Variants in KCNIP4 observed in about 807,000 individuals in gnomAD.
KCNIP4 encodes potassium voltage-gated channel interacting protein 4.
A neutral mutation model predicts 34.0 loss-of-function variants in KCNIP4; 12 were observed. The observed-to-expected ratio is 0.35, with a 90% CI of 0.23 to 0.57. KCNIP4 has a LOEUF of 0.57. KCNIP4 is among the 20% of genes least tolerant of loss of function. The pLI is 0.83. For missense variants in KCNIP4, 238 were observed against 311.7 expected (o/e 0.76, Z 1.78); for synonymous variants, 124 against 102.2 (o/e 1.21, Z -1.29).
intron 3 of KCNIP4, among the ~76,000 whole-genome samples, chr4:20,787,248 T>A (rs1469642989): frequency 6.6e-6 from 1 of 152,190 alleles, no homozygotes; most frequent in Non-Finnish European, 1.5e-5. Context: ...GGCTTTTACA[T>A]CTATAAATTC....
At chr4:21,246,032 AT>A (rs966119803) in intron 1 of KCNIP4, among the ~76,000 whole-genome samples, 7 of 152,096 alleles carry the variant, frequency 4.6e-5, no homozygotes, top group East Asian at 3.9e-4. Context: ...AAAAAGGAGG[AT>A]TTTTTTTAAC....
chr4:21,716,658 T>C (rs929845232), intron 1 of KCNIP4, among the ~76,000 whole-genome samples: 1 of 152,200 alleles, frequency 6.6e-6, no homozygotes, highest in Non-Finnish European at 1.5e-5. Flanking sequence ...TGGACATGTT[T>C]ACCCCCAACG....
At chr4:21,158,293 A>G (rs2109268264) in intron 1 of KCNIP4, among the ~76,000 whole-genome samples, 1 of 152,312 alleles carries the variant, frequency 6.6e-6, no homozygotes, top group East Asian at 1.9e-4. Context: ...AGACTTCCAC[A>G]AATATTCTAT....
intron 1 of KCNIP4, among the ~76,000 whole-genome samples, chr4:21,145,948 T>C (rs1426212651): frequency 6.6e-6 from 1 of 152,376 alleles, no homozygotes; most frequent in African/African-American, 2.4e-5. Flanking sequence ...ATTTCTTCTA[T>C]CTTTGTCCTT....
chr4:21,505,368 C>T (rs2109903597), intron 1 of KCNIP4, among the ~76,000 whole-genome samples: 1 of 152,170 alleles, frequency 6.6e-6, no homozygotes, highest in South Asian at 2.1e-4. Flanking sequence ...TGGCAAATTT[C>T]TATGAAAGAA....
At chr4:21,239,269 A>T (rs1330199539) in intron 1 of KCNIP4, among the ~76,000 whole-genome samples, 1 of 142,632 alleles carries the variant, frequency 7.0e-6, no homozygotes, top group Admixed American at 7.0e-5. Flanking sequence ...AACCATAAAA[A>T]CCCTAGAAGA....
intron 1 of KCNIP4, among the ~76,000 whole-genome samples, chr4:21,410,905 C>A (rs534858667): frequency 6.6e-6 from 1 of 152,104 alleles, no homozygotes; most frequent in Non-Finnish European, 1.5e-5. Context: ...AATGGTCTGG[C>A]AACATTGACA....
chr4:21,099,594 G>A (rs1029110909), intron 1 of KCNIP4, among the ~76,000 whole-genome samples: 5 of 151,976 alleles, frequency 3.3e-5, no homozygotes, highest in African/African-American at 4.8e-5. Flanking sequence ...CACATATCCC[G>A]CACATATACC....
intron 3 of KCNIP4, among the ~76,000 whole-genome samples, chr4:20,826,886 T>C (rs1030110331): frequency 6.6e-6 from 1 of 152,156 alleles, no homozygotes; most frequent in Non-Finnish European, 1.5e-5. Flanking sequence ...GATTATTTAA[T>C]ACAGGGGCTA....
intron 3 of KCNIP4, among the ~76,000 whole-genome samples, chr4:20,806,894 G>C (rs1715167290): frequency 6.6e-6 from 1 of 152,098 alleles, no homozygotes; most frequent in Admixed American, 6.6e-5. Flanking sequence ...AATGAAACTA[G>C]CAAGTTAAAC....
intron 1 of KCNIP4, among the ~76,000 whole-genome samples, chr4:21,395,912 T>C (rs1305345229): frequency 6.6e-6 from 1 of 152,156 alleles, no homozygotes; most frequent in Non-Finnish European, 1.5e-5. Flanking sequence ...GGGTCTCATC[T>C]CATCCAAATT....
chr4:21,855,772 T>A (rs1187820982), intron 1 of KCNIP4: 2 of 152,206 alleles, frequency 1.3e-5, no homozygotes, highest in Non-Finnish European at 2.9e-5. Flanking sequence ...TTATAATCCA[T>A]CTGGACAGTC....
intron 1 of KCNIP4, among the ~76,000 whole-genome samples, chr4:21,443,498 A>G (rs938855595): frequency 6.6e-6 from 1 of 152,212 alleles, no homozygotes; most frequent in Non-Finnish European, 1.5e-5. Flanking sequence ...GTAGACTTTG[A>G]ATAAAGCAGA....
At chr4:20,810,681 G>A (rs1715638906) in intron 3 of KCNIP4, among the ~76,000 whole-genome samples, 1 of 152,166 alleles carries the variant, frequency 6.6e-6, no homozygotes, top group South Asian at 2.1e-4. Flanking sequence ...TGAACAGAAA[G>A]AGTTAGATCT....
At chr4:21,581,045 C>T (rs1741163493) in intron 1 of KCNIP4, among the ~76,000 whole-genome samples, 1 of 152,044 alleles carries the variant, frequency 6.6e-6, no homozygotes, top group Admixed American at 6.6e-5. Flanking sequence ...CTGCATTTCA[C>T]TCTGTCACTC....
intron 3 of KCNIP4, among the ~76,000 whole-genome samples, chr4:20,768,999 A>AG (rs1755644241): frequency 6.6e-6 from 1 of 150,918 alleles, no homozygotes; most frequent in South Asian, 2.1e-4. Flanking sequence ...CCAAGGTACT[A>AG]GGCAAAGGTT....
chr4:21,835,137 C>A (rs1723241105), intron 1 of KCNIP4, among the ~76,000 whole-genome samples: 1 of 152,012 alleles, frequency 6.6e-6, no homozygotes, highest in Non-Finnish European at 1.5e-5. Flanking sequence ...AAAAGTTTCA[C>A]CCTACCTTAC....
intron 5 of KCNIP4, among the ~76,000 whole-genome samples, chr4:20,740,582 CAT>C (rs941308382): frequency 6.6e-6 from 1 of 152,156 alleles, no homozygotes; most frequent in African/African-American, 2.4e-5. Flanking sequence ...AAGCACTAAA[CAT>C]AGAAAGGAAC....
intron 1 of KCNIP4, among the ~76,000 whole-genome samples, chr4:21,498,286 C>T (rs969014569): frequency 1.3e-5 from 2 of 152,004 alleles, no homozygotes; most frequent in Admixed American, 6.6e-5. Context: ...TTATTTAGAA[C>T]TATGACATTC....
Sources: gnomAD v4.1 joint callset for allele counts (sites outside exome capture counted in the v4.1 genomes callset) on GRCh38, gnomAD v4.1.1 for gene constraint, MANE v1.5 for transcripts, NCBI Gene and HGNC (gene_info 2026-07-23, HGNC 2026-07-21) for gene names.